The following KRTAP5-2 variants were observed in gnomAD, a reference collection of about 807,000 sequenced individuals.
KRTAP5-2 encodes keratin-associated protein 5-2.
For missense variants in KRTAP5-2, 188 were observed against 212.8 expected (o/e 0.88, Z 0.73); for synonymous variants, 79 against 82.7 (o/e 0.96, Z 0.24).
Position 1,597,698 on chromosome 11 carries a change from A to T in KRTAP5-2, c.*19T>A. The T allele has an allele frequency of 6.2e-7, 1 of 1,613,672 alleles. No homozygotes were observed. Among genetic ancestry groups the T allele is most frequent in the South Asian group, 1.1e-5 (1 of 91,076 alleles). On this transcript the variant is annotated 3_prime_UTR_variant, in exon 1 of 1. Coordinates refer to ENST00000412090, the MANE Select transcript of KRTAP5-2 (RefSeq NM_001004325.2). ...GCTTTCACCAAACAGGAGAAACCTG[A>T]AGGTCTGGGTCCAGAGCCTCAGATC...
chr11:1,597,762 G>A lies in KRTAP5-2; in HGVS notation c.489C>T (p.Cys163=), dbSNP rs1405167162. The stretch of plus-strand genomic sequence containing the variant: ...ACACAGGGACACAACAGTTGGACTG[G>A]CAGCAACAGGGCTTGCAGCAGCTGG... ...CQSSCCKPCC[C]QSNCCVPVCC... The change falls in exon 1 of 1, where the codon TGC becomes TGT. Residue 163 remains cysteine, a synonymous_variant. Coordinates refer to ENST00000412090, the MANE Select transcript of KRTAP5-2 (RefSeq NM_001004325.2). 6.2e-7 allele frequency: 1 copy of A among 1,614,100 alleles called. No homozygotes were observed. The highest frequency in any genetic ancestry group is 1.3e-5 in the African/African-American group (1 of 75,042).
In KRTAP5-2 at chr11:1,597,566, G is replaced by A. The variant is rs1849301848; in HGVS notation, c.*151C>T. Reference sequence around the variant, plus strand: ...GAGGCTGAAGGCAGGGCCCAGAGGAGAGCTGAGCCATGGAAGGAGGTGTGT... The same window carrying A: ...GAGGCTGAAGGCAGGGCCCAGAGGAAAGCTGAGCCATGGAAGGAGGTGTGT... On this transcript the variant is annotated 3_prime_UTR_variant, in exon 1 of 1. Coordinates refer to ENST00000412090, the MANE Select transcript of KRTAP5-2 (RefSeq NM_001004325.2). 2.4e-6 allele frequency: 3 copies of A among 1,255,124 alleles called. No individual in the cohort carries two copies. The African/African-American group carries it at 4.5e-5, about 19-fold the overall frequency. 77.7% of individuals were successfully genotyped at this position (1,255,124 alleles called of 1,614,324 possible). A position where few individuals can be genotyped will look rare whatever the true frequency, so the allele number is the denominator to read the frequency against.
rs1214269413 is a variant in KRTAP5-2, at chr11:1,597,981, GGAGCCACAGCCCCCCTTGGAGCCCCCA to G, written c.243_269del (p.Gly82_Ser90del). On this transcript the variant is annotated inframe_deletion, in exon 1 of 1. Transcript: ENST00000412090. ...CACAGCCCCCCTTGGAGCCCCCACA[GGAGCCACAGCCCCCCTTGGAGCCCCCA>G]CAGGAGCCACAGCTGGTGCAGGAAC... 2.1e-6 allele frequency: 3 copies of G among 1,449,908 alleles called. No individual in the cohort carries two copies. The highest frequency in any genetic ancestry group is 4.9e-5 in the East Asian group (2 of 40,950). The allele number at this position is 1,449,908 out of a possible 1,614,324, so 89.8% of individuals were successfully genotyped here.
Position 1,597,763 on chromosome 11 carries a change from C to A in KRTAP5-2, c.488G>T (p.Cys163Phe), listed in dbSNP as rs1285032985. The change falls in exon 1 of 1, where the codon TGC becomes TTC. Residue 163 changes from cysteine to phenylalanine, a missense_variant. Physicochemically the swap from Cys to Phe is radical, Grantham distance 205. Coordinates refer to ENST00000412090, the MANE Select transcript of KRTAP5-2 (RefSeq NM_001004325.2). ...CACAGGGACACAACAGTTGGACTGG[C>A]AGCAACAGGGCTTGCAGCAGCTGGA... ...CQSSCCKPCC[C>F]QSNCCVPVCC... 1.2e-6 allele frequency: 2 copies of A among 1,614,100 alleles called. No homozygotes were observed. Among genetic ancestry groups the A allele is most frequent in the Non-Finnish European group, 8.5e-7 (1 of 1,179,952 alleles).
In KRTAP5-2 at chr11:1,597,729, C is replaced by T; in HGVS notation, c.522G>A (p.Gln174=). Residue 174 remains glutamine, a synonymous_variant, in exon 1 of 1, where the codon CAG becomes CAA. Transcript: ENST00000412090. ...QSNCCVPVCC[Q]CKI ...TGGGTCCAGAGCCTCAGATCTTACA[C>T]TGGCAGCACACAGGGACACAACAGT... 1.9e-6 allele frequency: 3 copies of T among 1,614,178 alleles called. No individual in the cohort carries two copies. The highest frequency in any genetic ancestry group is 2.5e-6 in the Non-Finnish European group (3 of 1,180,026).
chr11:1,597,972 GCCCCC>G lies in KRTAP5-2; in HGVS notation c.274_278del (p.Gly92LeufsTer27). 1 of 384,856 alleles carries G rather than the reference GCCCCC, an allele frequency of 2.6e-6. No homozygotes were observed. The highest frequency in any genetic ancestry group is 3.5e-5 in the South Asian group (1 of 28,964). The allele number at this position is 384,856 out of a possible 1,614,324, so 23.8% of individuals were successfully genotyped here. On this transcript the variant is annotated frameshift_variant, in exon 1 of 1. Coordinates refer to ENST00000412090, the MANE Select transcript of KRTAP5-2 (RefSeq NM_001004325.2). LOFTEE classifies it low-confidence loss of function (END_TRUNC). ...CACAGGAGCCACAGCCCCCCTTGGA[GCCCCC>G]ACAGGAGCCACAGCCCCCCTTGGAG...
In KRTAP5-2 at chr11:1,597,595, T is replaced by G; in HGVS notation, c.*122A>C. The G allele has an allele frequency of 6.8e-7, 1 of 1,473,372 alleles. No individual in the cohort carries two copies. The highest frequency in any genetic ancestry group is 9.3e-7 in the Non-Finnish European group (1 of 1,070,872). 91.3% of individuals were successfully genotyped at this position (1,473,372 alleles called of 1,614,324 possible). ...TGAGCCATGGAAGGAGGTGTGTGCA[T>G]GGATGGTGAGCTAGAGCAGGTGCAG... On this transcript the variant is annotated 3_prime_UTR_variant, in exon 1 of 1. Coordinates refer to ENST00000412090, the MANE Select transcript of KRTAP5-2 (RefSeq NM_001004325.2).
chr11:1,597,518 G>A lies in KRTAP5-2; in HGVS notation c.*199C>T, dbSNP rs1849301397. 1 of 890,624 alleles carries A rather than the reference G, an allele frequency of 1.1e-6. No homozygotes were observed. Among genetic ancestry groups the A allele is most frequent in the Non-Finnish European group, 1.7e-6 (1 of 585,678 alleles). The allele number at this position is 890,624 out of a possible 1,614,324, so 55.2% of individuals were successfully genotyped here. On this transcript the variant is annotated 3_prime_UTR_variant, in exon 1 of 1. Transcript: ENST00000412090. ...AGGCGAGGACACCTCCCGCATCAGG[G>A]AAACACACGTTTCTGGAGTGAGGAG...
chr11:1,597,804 G>C lies in KRTAP5-2; in HGVS notation c.447C>G (p.Val149=). Residue 149 remains valine, a synonymous_variant, in exon 1 of 1, where the codon GTC becomes GTG. Transcript: ENST00000412090. ...AGCAGCTGGACTGGCAGCACACGGG[G>C]ACACAGCAGCTGGACTGGCAGCAGC... ...KPCCCQSSCC[V]PVCCQSSCCK... The C allele has an allele frequency of 6.2e-7, 1 of 1,613,752 alleles. No homozygotes were observed.
At position 1,597,830 on chromosome 11, in the gene KRTAP5-2, A is replaced by G; in HGVS notation, c.421T>C (p.Cys141Arg). Reference sequence around the variant, plus strand: ...ACACAGCAGCTGGACTGGCAGCAGCAGGGCTTGCAGCAGCTGGACTGGCAG... The same window carrying G: ...ACACAGCAGCTGGACTGGCAGCAGCGGGGCTTGCAGCAGCTGGACTGGCAG... ...SCCQSSCCKP[C>R]CCQSSCCVPV... The change falls in exon 1 of 1, where the codon TGC becomes CGC. Residue 141 changes from cysteine (C) to arginine (R), a missense_variant. By Grantham distance (180) the Cys-to-Arg change is radical (BLOSUM62 -3). Transcript: ENST00000412090. 3 of 1,613,792 alleles carry G rather than the reference A, an allele frequency of 1.9e-6. No homozygotes were observed. The highest frequency in any genetic ancestry group is 2.5e-6 in the Non-Finnish European group (3 of 1,179,942).
Position 1,597,933 on chromosome 11 carries a change from C to A in KRTAP5-2, c.318G>T (p.Gly106=), listed in dbSNP as rs142577062. ...GGGAGCAGCCACAAGAACCACAGCC[C>A]CCCTTGGAACCCCCACAGGAGCCAC... ...GGCGSCGGSK[G]GCGSCGCSQS... Residue 106 remains glycine (G), a synonymous_variant, in exon 1 of 1, where the codon GGG becomes GGT. Transcript: ENST00000412090. 1 of 1,595,380 alleles carries A rather than the reference C, an allele frequency of 6.3e-7. No individual in the cohort carries two copies. The highest frequency in any genetic ancestry group is 1.7e-5 in the Admixed American group (1 of 58,280).
rs1849296997 is a variant in KRTAP5-2, at chr11:1,597,190, A to T, written c.*527T>A. On this transcript the variant is annotated 3_prime_UTR_variant, in exon 1 of 1. Transcript: ENST00000412090. ...CCAAGTATACAGTTGATTTACAGAC[A>T]TGAGAGGCTTTATTGCAAGGAAATT... The T allele has an allele frequency of 5.9e-6, 1 of 168,152 alleles. No individual in the cohort carries two copies. The highest frequency in any genetic ancestry group is 2.4e-5 in the African/African-American group (1 of 41,748). 10.4% of individuals were successfully genotyped at this position (168,152 alleles called of 1,614,324 possible).
In KRTAP5-2 at chr11:1,597,900, G is replaced by C. The variant is rs757307800; in HGVS notation, c.351C>G (p.Ser117Arg). 1 of 1,613,790 alleles carries C rather than the reference G, an allele frequency of 6.2e-7. No homozygotes were observed. Among genetic ancestry groups the C allele is most frequent in the Non-Finnish European group, 8.5e-7 (1 of 1,179,944 alleles). The change falls in exon 1 of 1, where the codon AGC becomes AGG. Residue 117 changes from serine (S) to arginine (R), a missense_variant. Physicochemically the swap from Ser to Arg is moderately radical, Grantham distance 110 (BLOSUM62 -1). Coordinates refer to ENST00000412090, the MANE Select transcript of KRTAP5-2 (RefSeq NM_001004325.2). ...AGGAGCAGCAACAGGGCTTACAACA[G>C]CTGGACTGGGAGCAGCCACAAGAAC... ...GCGSCGCSQS[S>R]CCKPCCCSSG...
At position 1,598,252 on chromosome 11, in the gene KRTAP5-2, G is replaced by A. The variant is rs1849322474; in HGVS notation, c.-2C>T. 6.2e-7 allele frequency: 1 copy of A among 1,613,750 alleles called. No individual in the cohort carries two copies. The highest frequency in any genetic ancestry group is 8.5e-7 in the Non-Finnish European group (1 of 1,179,996). ...TCTGGAGCAGCCACAGCAGCCCATG[G>A]TTCTGGTGGATTGAGGGTGGAGCAG... On this transcript the variant is annotated 5_prime_UTR_variant, in exon 1 of 1. Transcript: ENST00000412090.
In KRTAP5-2 at chr11:1,597,747, A is replaced by C. The variant is rs1466695782; in HGVS notation, c.504T>G (p.Cys168Trp). 6.2e-7 allele frequency: 1 copy of C among 1,614,156 alleles called. No individual in the cohort carries two copies. The highest frequency in any genetic ancestry group is 1.3e-5 in the African/African-American group (1 of 75,062). Residue 168 changes from cysteine to tryptophan, a missense_variant, in exon 1 of 1, where the codon TGT (cysteine) becomes TGG (tryptophan). Transcript: ENST00000412090. The stretch of plus-strand genomic sequence containing the variant: ...TCTTACACTGGCAGCACACAGGGAC[A>C]CAACAGTTGGACTGGCAGCAACAGG... Reference protein sequence around the residue: ...CKPCCCQSNCCVPVCCQCKI With the variant: ...CKPCCCQSNCWVPVCCQCKI
At position 1,597,797 on chromosome 11, in the gene KRTAP5-2, A is replaced by C. The variant is rs779300507; in HGVS notation, c.454T>G (p.Cys152Gly). The stretch of plus-strand genomic sequence containing the variant: ...GGCTTGCAGCAGCTGGACTGGCAGC[A>C]CACGGGGACACAGCAGCTGGACTGG... Reference protein sequence around the residue: ...CCQSSCCVPVCCQSSCCKPCC... With the variant: ...CCQSSCCVPVGCQSSCCKPCC... Residue 152 changes from cysteine (C) to glycine (G), a missense_variant, in exon 1 of 1, where the codon TGC becomes GGC. By Grantham distance (159) the Cys-to-Gly change is radical. Transcript: ENST00000412090. 9.9e-6 allele frequency: 16 copies of C among 1,614,030 alleles called. No homozygotes were observed. In the Admixed American group the frequency reaches 2.5e-4, roughly 25 times the overall value.
chr11:1,597,639 G>A lies in KRTAP5-2; in HGVS notation c.*78C>T. ...GGTGCAGGTGCCTCAGGGAGGATGT[G>A]TGGGACGAACTGACTCAGGGAACCA... is the stretch of plus-strand genomic sequence containing the variant. On this transcript the variant is annotated 3_prime_UTR_variant, in exon 1 of 1. Coordinates refer to ENST00000412090, the MANE Select transcript of KRTAP5-2 (RefSeq NM_001004325.2). The A allele has an allele frequency of 6.3e-7, 1 of 1,593,486 alleles. No homozygotes were observed. The highest frequency in any genetic ancestry group is 8.6e-7 in the Non-Finnish European group (1 of 1,167,970).
In KRTAP5-2 at chr11:1,597,720, G is replaced by A. The variant is rs1196787349; in HGVS notation, c.531C>T (p.Ile177=). ...CCVPVCCQCK[I] ...CTGAAGGTCTGGGTCCAGAGCCTCA[G>A]ATCTTACACTGGCAGCACACAGGGA... The change falls in exon 1 of 1, where the codon ATC becomes ATT. Residue 177 remains isoleucine (I), a synonymous_variant. Coordinates refer to ENST00000412090, the MANE Select transcript of KRTAP5-2 (RefSeq NM_001004325.2). 1.2e-6 allele frequency: 2 copies of A among 1,614,214 alleles called. No individual in the cohort carries two copies. Among genetic ancestry groups the A allele is most frequent in the Middle Eastern group, 1.6e-4 (1 of 6,062 alleles).
Position 1,597,408 on chromosome 11 carries a change from A to G in KRTAP5-2, c.*309T>C. The G allele has an allele frequency of 2.2e-6, 1 of 458,090 alleles. No individual in the cohort carries two copies. The highest frequency in any genetic ancestry group is 2.5e-5 in the South Asian group (1 of 39,494). 28.4% of individuals were successfully genotyped at this position (458,090 alleles called of 1,614,324 possible). On this transcript the variant is annotated 3_prime_UTR_variant, in exon 1 of 1. Coordinates refer to ENST00000412090, the MANE Select transcript of KRTAP5-2 (RefSeq NM_001004325.2). ...CTGGCCTTGTGGGGTCAGACCTTGC[A>G]TCTCAGTCAGCCCAGGGAGAAGAAG...
Sources: gnomAD v4.1 joint callset for allele counts on GRCh38, gnomAD v4.1.1 for gene constraint, MANE v1.5 for transcripts, NCBI Gene and HGNC (gene_info 2026-07-23, HGNC 2026-07-21) for gene names.